Variants in ERBB4 observed in about 807,000 individuals in gnomAD.
The protein encoded by ERBB4 is receptor tyrosine-protein kinase erbB-4.
ERBB4 carries 42 observed loss-of-function variants against 158.0 expected under a neutral mutation model. That is an observed-to-expected ratio of 0.27 (90% CI 0.21 to 0.34). The LOEUF (loss-of-function observed/expected upper bound fraction) is 0.34, where lower values mean the gene tolerates loss of function less well. Among genes scored for constraint, ERBB4 ranks in the 10% least tolerant of loss-of-function variants. The probability of loss-of-function intolerance (pLI) is 1.00; values close to 1 mark genes in which losing one functional copy is unlikely to be tolerated. For synonymous variants in ERBB4, 583 were observed against 558.7 expected (o/e 1.04, Z -0.61); for missense variants, 1,333 against 1,624.1 (o/e 0.82, Z 3.08).
rs149774747 is a variant in ERBB4 at position 211,682,654 on chromosome 2, A to G, written c.1490-3470T>C. ...TATCCTTTCTGTATGAAATTTGCAT[A>G]TTTATAAGAAATAAGTTGTTCATAC... On this transcript the variant is annotated intron_variant, in intron 12 of 27. Coordinates refer to ENST00000342788, the MANE Select transcript of ERBB4 (RefSeq NM_005235.3). 1.9e-3 allele frequency among the ~76,000 whole-genome samples: 285 copies of G among 152,302 alleles called. 1 individual carries two copies. The highest frequency in any genetic ancestry group is 6.4e-3 in the African/African-American group (267 of 41,570).
At chr2:211,631,320 T>A (rs897917905) in intron 16 of ERBB4, among the ~76,000 whole-genome samples, 6 of 152,166 alleles carry the variant, frequency 3.9e-5, no homozygotes, top group Non-Finnish European at 8.8e-5. Context: ...CAAAGTGCTA[T>A]TTGAAACTCT....
chr2:211,789,005 C>T (rs897047801), intron 3 of ERBB4, among the ~76,000 whole-genome samples: 2 of 152,080 alleles, frequency 1.3e-5, no homozygotes, highest in African/African-American at 4.8e-5. Flanking sequence ...GCTAATTTGT[C>T]CTCCACAAAC....
At chr2:211,654,312 T>C (rs1436531499) in intron 16 of ERBB4, among the ~76,000 whole-genome samples, 1 of 152,238 alleles carries the variant, frequency 6.6e-6, no homozygotes, top group African/African-American at 2.4e-5. Flanking sequence ...CAATTGATTC[T>C]GACAAGTCAA....
intron 15 of ERBB4, among the ~76,000 whole-genome samples, chr2:211,661,913 C>T (rs2071436149): frequency 6.8e-6 from 1 of 147,928 alleles, no homozygotes; most frequent in Non-Finnish European, 1.5e-5. Flanking sequence ...GTGGCGGGCG[C>T]CTGTAGTCCC....
At chr2:212,002,566 G>T (rs7423124) in intron 2 of ERBB4, among the ~76,000 whole-genome samples, 72,035 of 151,908 alleles carry the variant, frequency 0.47, 18,817 homozygotes, top group Non-Finnish European at 0.59. Context: ...AAAGGGCCAC[G>T]TTTTGAAGGA....
At position 212,421,087 on chromosome 2, in the gene ERBB4, T is replaced by A. The variant is rs560592881; in HGVS notation, c.82+117362A>T. On this transcript the variant is annotated intron_variant, in intron 1 of 27. Transcript: ENST00000342788. The stretch of plus-strand genomic sequence containing the variant: ...TATTTCCTATAGTCAGAAATGAAAA[T>A]TTTTTAAAGCCTAAACATAATTCAT... Among the ~76,000 whole-genome samples, 368 of 152,196 alleles carry A rather than the reference T, an allele frequency of 2.4e-3. 1 individual carries two copies. Among genetic ancestry groups the A allele is most frequent in the Non-Finnish European group, 4.3e-3 (291 of 67,956 alleles).
intron 5 of ERBB4, among the ~76,000 whole-genome samples, chr2:211,743,672 C>A (rs1477115543): frequency 6.6e-6 from 1 of 152,142 alleles, no homozygotes; most frequent in African/African-American, 2.4e-5. Context: ...TGTAAGCCTG[C>A]TAAATAATAC....
In ERBB4 at chr2:212,344,336, C is replaced by G. The variant is rs144568537; in HGVS notation, c.82+194113G>C. ...AGTAGATCCCAGTAGCATGCCTCCT[C>G]TACCCAGTTGCGACAACCAAAAATG... On this transcript the variant is annotated intron_variant, in intron 1 of 27. Coordinates refer to ENST00000342788, the MANE Select transcript of ERBB4 (RefSeq NM_005235.3). Among the ~76,000 whole-genome samples the G allele has an allele frequency of 2.4e-4, 36 of 152,214 alleles. No individual in the cohort carries two copies. In the East Asian group the frequency reaches 5.8e-3, roughly 25 times the overall value.
chr2:212,137,315 C>T (rs972712376), intron 1 of ERBB4, among the ~76,000 whole-genome samples: 3 of 151,980 alleles, frequency 2.0e-5, no homozygotes, highest in Non-Finnish European at 2.9e-5. Context: ...TTTTCTGATC[C>T]TCTCTCTCCT....
At chr2:212,173,557 G>A (rs905779357) in intron 1 of ERBB4, among the ~76,000 whole-genome samples, 2 of 152,144 alleles carry the variant, frequency 1.3e-5, no homozygotes, top group African/African-American at 4.8e-5. Flanking sequence ...GAAATACCTG[G>A]TATATAACGA....
chr2:211,825,202 G>T (rs1398209591), intron 3 of ERBB4, among the ~76,000 whole-genome samples: 2 of 151,668 alleles, frequency 1.3e-5, no homozygotes, highest in African/African-American at 2.4e-5. Flanking sequence ...TTACTGAATA[G>T]TTTGGACAAA....
At chr2:211,580,525 C>T (rs1488512276) in intron 19 of ERBB4, among the ~76,000 whole-genome samples, 1 of 151,576 alleles carries the variant, frequency 6.6e-6, no homozygotes, top group Non-Finnish European at 1.5e-5. Flanking sequence ...ATGCAGTGAA[C>T]AGGGAACACT....
chr2:211,892,908 A>C lies in ERBB4; in HGVS notation c.421+54522T>G, dbSNP rs926159972. ...ACAAACCACTGCTCAAGGAAATAAA[A>C]GAGGATACAAACAAATGGAAGAACA... On this transcript the variant is annotated intron_variant, in intron 3 of 27. Coordinates refer to ENST00000342788, the MANE Select transcript of ERBB4 (RefSeq NM_005235.3). Among the ~76,000 whole-genome samples, 6 of 143,962 alleles carry C rather than the reference A, an allele frequency of 4.2e-5. 1 individual carries two copies. The highest frequency in any genetic ancestry group is 1.6e-4 in the African/African-American group (6 of 36,914). 94.4% of individuals were successfully genotyped at this position (143,962 alleles called of 152,430 possible).
chr2:211,904,464 C>T (rs920084638), intron 3 of ERBB4, among the ~76,000 whole-genome samples: 1 of 152,018 alleles, frequency 6.6e-6, no homozygotes, highest in Non-Finnish European at 1.5e-5. Context: ...TAGCAAATTA[C>T]CTTAATATTT....
chr2:211,896,653 T>C (rs1005374027), intron 3 of ERBB4, among the ~76,000 whole-genome samples: 1 of 152,178 alleles, frequency 6.6e-6, no homozygotes, highest in Non-Finnish European at 1.5e-5. Flanking sequence ...TGCAAAATGA[T>C]CCTTTTAAAA....
chr2:212,253,428 T>C (rs966385047), intron 1 of ERBB4, among the ~76,000 whole-genome samples: 1 of 152,136 alleles, frequency 6.6e-6, no homozygotes, highest in Admixed American at 6.6e-5. Flanking sequence ...ACTTTTTCCA[T>C]TACATTAAAA....
rs986237901 is a variant in ERBB4 at position 212,219,967 on chromosome 2, A to G, written c.83-95064T>C. On this transcript the variant is annotated intron_variant, in intron 1 of 27. Transcript: ENST00000342788. ...TTTTATCAACCCGCAAAAAAAAAAA[A>G]AAGTGGGATTTTTCATCAGTGTTGC... Among the ~76,000 whole-genome samples, 16 of 151,184 alleles carry G rather than the reference A, an allele frequency of 1.1e-4. 1 individual carries two copies. The highest frequency in any genetic ancestry group is 3.9e-4 in the African/African-American group (16 of 41,330).
intron 22 of ERBB4, among the ~76,000 whole-genome samples, chr2:211,426,275 C>T (rs2063625420): frequency 6.6e-6 from 1 of 152,086 alleles, no homozygotes; most frequent in Admixed American, 6.6e-5. Context: ...ACAAAACATC[C>T]TCGAATTTTA....
chr2:212,368,601 A>G (rs1178336749), intron 1 of ERBB4, among the ~76,000 whole-genome samples: 2 of 152,136 alleles, frequency 1.3e-5, no homozygotes, highest in African/African-American at 2.4e-5. Context: ...AATGGTGTCC[A>G]TCAATATTAG....
Sources: allele counts gnomAD v4.1 joint callset (sites outside exome capture counted in the v4.1 genomes callset), GRCh38; gene constraint gnomAD v4.1.1; transcripts MANE v1.5; gene names NCBI Gene and HGNC (gene_info 2026-07-23, HGNC 2026-07-21).